RTL4: variants seen among roughly 807,000 people sequenced by gnomAD.
RTL4 encodes retrotransposon Gag-like protein 4.
A neutral mutation model predicts 5.3 loss-of-function variants in RTL4; 4 were observed. The observed-to-expected ratio is 0.75, with a 90% CI of 0.37 to 1.72. RTL4 has a LOEUF of 1.72. Ranked by LOEUF, RTL4 falls within the 40% of genes most tolerant of loss-of-function variation. RTL4 has a pLI of 0.04. For missense variants in RTL4, 260 were observed against 227.1 expected, an observed-to-expected ratio of 1.14 and a Z score of -0.93; for synonymous variants, 98 against 87.3, an observed-to-expected ratio of 1.12 and a Z score of -0.68.
the RTL4 span, among the ~76,000 whole-genome samples, chrX:112,367,678 T>A: frequency 8.5e-3 from 955 of 111,915 alleles, 16 homozygotes; most frequent in African/African-American, 0.03. Context: ...CTGGGGATCC[T>A]ATGGTAAAAA....
chrX:112,175,606 A>G, the RTL4 span, among the ~76,000 whole-genome samples: 13 of 110,196 alleles, frequency 1.2e-4, no homozygotes, highest in East Asian at 2.8e-4. Context: ...GTTTTTTCCA[A>G]TTCTGTGAAG....
the RTL4 span, among the ~76,000 whole-genome samples, chrX:112,215,187 C>T: frequency 3.6e-5 from 4 of 111,271 alleles, no homozygotes; most frequent in African/African-American, 1.3e-4. Flanking sequence ...ATGTTGATAC[C>T]TGTGTACAAT....
the RTL4 span, among the ~76,000 whole-genome samples, chrX:112,344,511 G>C: frequency 9.0e-6 from 1 of 110,863 alleles, no homozygotes; most frequent in African/African-American, 3.3e-5. Context: ...AAAGGGGGAG[G>C]TGCTACACAC....
the RTL4 span, among the ~76,000 whole-genome samples, chrX:112,265,013 C>T: frequency 1.8e-5 from 2 of 111,982 alleles, no homozygotes; most frequent in African/African-American, 6.5e-5. Flanking sequence ...TTGGCACCAT[C>T]AACATTTTCA....
chrX:112,127,520 G>C, the RTL4 span, among the ~76,000 whole-genome samples: 1 of 111,714 alleles, frequency 9.0e-6, no homozygotes, highest in African/African-American at 3.3e-5. Context: ...GATCAGTAAC[G>C]GGGGTGTTTG....
chrX:112,343,888 C>T, the RTL4 span, among the ~76,000 whole-genome samples: 1 of 111,602 alleles, frequency 9.0e-6, no homozygotes, highest in African/African-American at 3.3e-5. Flanking sequence ...TTCTTCAGCC[C>T]CTCTAGCCAA....
the RTL4 span, among the ~76,000 whole-genome samples, chrX:112,347,938 G>A: frequency 9.0e-6 from 1 of 111,248 alleles, no homozygotes; most frequent in Non-Finnish European, 1.9e-5. Context: ...TATAATTAGA[G>A]TAATTGTGAC....
At chrX:112,447,481 C>T in the RTL4 span, among the ~76,000 whole-genome samples, 3 of 112,215 alleles carry the variant, frequency 2.7e-5, no homozygotes, top group Non-Finnish European at 5.6e-5. Flanking sequence ...CGTCTAACTC[C>T]GAAGCCCATG....
the RTL4 span, among the ~76,000 whole-genome samples, chrX:112,131,605 C>G: frequency 9.0e-6 from 1 of 111,633 alleles, no homozygotes; most frequent in Non-Finnish European, 1.9e-5. Flanking sequence ...GCCTTTTTTC[C>G]CCCTTCACTA....
At chrX:112,348,983 A>G in the RTL4 span, among the ~76,000 whole-genome samples, 1 of 110,510 alleles carries the variant, frequency 9.0e-6, no homozygotes, top group Admixed American at 9.7e-5. Flanking sequence ...TTCTCACAAC[A>G]TGCTGTACAT....
At chrX:112,268,503 T>C in the RTL4 span, among the ~76,000 whole-genome samples, 3 of 111,757 alleles carry the variant, frequency 2.7e-5, no homozygotes, top group Non-Finnish European at 5.6e-5. Flanking sequence ...AACCCAGATA[T>C]CTCTTACCAA....
the RTL4 span, among the ~76,000 whole-genome samples, chrX:112,325,866 C>A: frequency 2.8e-4 from 31 of 112,054 alleles, no homozygotes; most frequent in South Asian, 0.011. Context: ...GAACACGCAA[C>A]CTACAGAATG....
At chrX:112,109,271 C>T in the RTL4 span, among the ~76,000 whole-genome samples, 15 of 111,657 alleles carry the variant, frequency 1.3e-4, no homozygotes, top group African/African-American at 3.9e-4. Flanking sequence ...TTCTTGGTCT[C>T]GCTGACTTCA....
chrX:112,382,061 G>C, the RTL4 span: 2 of 1,210,376 alleles, frequency 1.7e-6, no homozygotes, highest in Admixed American at 2.2e-5. Context: ...AAGCCACTTA[G>C]AAAACAGGAA....
At chrX:112,336,184 A>G in the RTL4 span, among the ~76,000 whole-genome samples, 2 of 111,881 alleles carry the variant, frequency 1.8e-5, no homozygotes, top group Non-Finnish European at 3.8e-5. Flanking sequence ...ACCACAAAAC[A>G]TATTTTCTCT....
the RTL4 span, among the ~76,000 whole-genome samples, chrX:112,161,234 A>C: frequency 8.9e-6 from 1 of 111,783 alleles, no homozygotes; most frequent in Non-Finnish European, 1.9e-5. Flanking sequence ...CCTTTCAAGA[A>C]ATTTAAATGC....
the RTL4 span, among the ~76,000 whole-genome samples, chrX:112,156,706 C>T: frequency 8.9e-6 from 1 of 111,846 alleles, no homozygotes; most frequent in Non-Finnish European, 1.9e-5. Context: ...AAAACAGCTT[C>T]ACCACTGCTT....
chrX:112,382,552 A>AT, the RTL4 span, among the ~76,000 whole-genome samples: 1 of 112,381 alleles, frequency 8.9e-6, no homozygotes, highest in African/African-American at 3.2e-5. Context: ...AACAGTTGTG[A>AT]TTTATTTCAT....
At chrX:112,166,332 G>T in the RTL4 span, among the ~76,000 whole-genome samples, 2 of 111,959 alleles carry the variant, frequency 1.8e-5, no homozygotes, top group Admixed American at 1.9e-4. Context: ...AGGTGCACAC[G>T]AGACAGAAAC....
Sources: allele counts gnomAD v4.1 joint callset (sites outside exome capture counted in the v4.1 genomes callset), GRCh38; gene constraint gnomAD v4.1.1; transcripts MANE v1.5; gene names NCBI Gene and HGNC (gene_info 2026-07-23, HGNC 2026-07-21).